RELN: variants seen among roughly 807,000 people sequenced by gnomAD.
RELN encodes the protein reelin.
In RELN, 108 loss-of-function variants were observed where a neutral mutation model predicts 427.6. The ratio of observed to expected loss-of-function variants is 0.25; its 90% confidence interval spans 0.22 to 0.30. The LOEUF (loss-of-function observed/expected upper bound fraction) is 0.30, where lower values mean the gene tolerates loss of function less well. Among genes scored for constraint, RELN ranks in the 10% least tolerant of loss-of-function variants. RELN has a pLI of 1.00. For missense variants in RELN, 3,715 were observed against 4,302.8 expected (o/e 0.86, Z 3.82); for synonymous variants, 1,524 against 1,513.4 (o/e 1.01, Z -0.16).
At chr7:103,809,235 C>T (rs39759) in intron 3 of RELN, among the ~76,000 whole-genome samples, 42,978 of 152,046 alleles carry the variant, frequency 0.28, 6,498 homozygotes, top group Non-Finnish European at 0.33. Flanking sequence ...CTAAAACATA[C>T]TCAGACCAAC....
rs183197979 is a variant in RELN, at chr7:103,577,723, G to A, written c.4146-2018C>T. 1.6e-3 allele frequency among the ~76,000 whole-genome samples: 248 copies of A among 152,320 alleles called. 1 individual carries two copies. Among genetic ancestry groups the A allele is most frequent in the African/African-American group, 5.6e-3 (233 of 41,564 alleles). On this transcript the variant is annotated intron_variant, in intron 28 of 64. Coordinates refer to ENST00000428762, the MANE Select transcript of RELN (RefSeq NM_005045.4). The stretch of plus-strand genomic sequence containing the variant: ...TTTGTCAACTACTCTTAAGGAAAAT[G>A]TTAAGGCCTCTATGCCGCTTCCAAA...
At position 103,542,746 on chromosome 7, in the gene RELN, T is replaced by C. The variant is rs1830200820; in HGVS notation, c.6656A>G (p.Asp2219Gly). 6.2e-7 allele frequency: 1 copy of C among 1,614,136 alleles called. No individual in the cohort carries two copies. The highest frequency in any genetic ancestry group is 8.5e-7 in the Non-Finnish European group (1 of 1,180,010). The change falls in exon 43 of 65, where the codon GAT becomes GGT. Residue 2219 changes from aspartate (D) to glycine (G), a missense_variant. Asp to Gly is a moderately conservative substitution (Grantham distance 94). This residue lies in a region of RELN where 1,310 missense variants were observed against 1,643.0 expected (regional missense o/e 0.80). Transcript: ENST00000428762. ...GLRMLMTRDL[D>G]LSHARFVQFF... is the part of the protein sequence containing the mutation. ...AAATGATTACCTAGCATGTGATAAATCCAGGTCTCGTGTCATCAACATGCG... is the reference window on the plus strand; with the variant it reads ...AAATGATTACCTAGCATGTGATAAACCCAGGTCTCGTGTCATCAACATGCG...
chr7:103,826,239 C>G (rs1339048568), intron 3 of RELN, among the ~76,000 whole-genome samples: 1 of 151,496 alleles, frequency 6.6e-6, no homozygotes, highest in East Asian at 1.9e-4. Flanking sequence ...TCTCCAGAAC[C>G]ATTAGCCAAA....
chr7:103,599,188 T>C (rs1385640597), intron 24 of RELN, among the ~76,000 whole-genome samples: 1 of 152,232 alleles, frequency 6.6e-6, no homozygotes, highest in East Asian at 1.9e-4. Flanking sequence ...TAGAAAGCAA[T>C]TCTATTTACT....
Position 103,515,407 on chromosome 7 carries a change from C to T in RELN, c.7897G>A (p.Glu2633Lys), listed in dbSNP as rs958494439. 3 of 1,613,988 alleles carry T rather than the reference C, an allele frequency of 1.9e-6. No homozygotes were observed. Among genetic ancestry groups the T allele is most frequent in the Admixed American group, 1.7e-5 (1 of 59,992 alleles). The stretch of plus-strand genomic sequence containing the variant: ...CACCAGCGGAAGCGAGTGGCAATCT[C>T]TTTAGCATCAGGAGGGAGAAGGATA... ...VNILLPPDAKEIATRFRWWQP... is the reference protein window; with the variant it reads ...VNILLPPDAKKIATRFRWWQP... The change falls in exon 50 of 65, where the codon GAG becomes AAG. Residue 2633 changes from glutamate to lysine, a missense_variant. Coordinates refer to ENST00000428762, the MANE Select transcript of RELN (RefSeq NM_005045.4).
chr7:103,496,791 A>T, intron 55 of RELN, 23 bp from the exon 56 acceptor site: 1 of 1,612,314 alleles, frequency 6.2e-7, no homozygotes, highest in Non-Finnish European at 8.5e-7. Context: ...ATATACCAAC[A>T]TAGCAATATA....
rs10241988 is a variant in RELN at position 103,483,984 on chromosome 7, A to G, written c.9984-134T>C. Reference sequence around the variant, plus strand: ...AACGTCTGCCTACTGGGTTCAAGCGATTTTCCTGCCTCGGTCTCCCTAGTA... The same window carrying G: ...AACGTCTGCCTACTGGGTTCAAGCGGTTTTCCTGCCTCGGTCTCCCTAGTA... On this transcript the variant is annotated intron_variant, in intron 61 of 64. Transcript: ENST00000428762. 2,435 of 856,630 alleles carry G rather than the reference A, an allele frequency of 2.8e-3. 39 individuals are homozygous for G. In the African/African-American group the frequency reaches 0.037, roughly 13 times the overall value. 53.1% of individuals were successfully genotyped at this position (856,630 alleles called of 1,614,324 possible).
At chr7:103,704,700 C>T (rs1193055317) in intron 8 of RELN, among the ~76,000 whole-genome samples, 2 of 152,068 alleles carry the variant, frequency 1.3e-5, no homozygotes, top group East Asian at 1.9e-4. Flanking sequence ...AAAACTTTCT[C>T]GATGTCACAC....
intron 11 of RELN, among the ~76,000 whole-genome samples, chr7:103,664,411 GA>G (rs1231536859): frequency 1.3e-5 from 2 of 152,130 alleles, no homozygotes; most frequent in African/African-American, 2.4e-5. Context: ...TTTGTCTCTA[GA>G]ATCACAGGTG....
At position 103,565,406 on chromosome 7, in the gene RELN, C is replaced by T. The variant is rs1264426224; in HGVS notation, c.5082G>A (p.Trp1694Ter). ...LQYSLNNGKD[W>*]HLVTEECVPP... ...GAACACACTCTTCGGTGACAAGATG[C>T]CAGTCCTTGCCATTGTTCAGAGAAT... Residue 1694 changes from tryptophan to a stop codon, truncating the protein, a stop_gained, in exon 34 of 65, where the codon TGG (tryptophan) becomes TGA (stop). Transcript: ENST00000428762. LOFTEE classifies it high-confidence loss of function. 1.2e-6 allele frequency: 2 copies of T among 1,614,056 alleles called. No individual in the cohort carries two copies. Among genetic ancestry groups the T allele is most frequent in the Non-Finnish European group, 1.7e-6 (2 of 1,179,994 alleles).
rs574793994 is a variant in RELN at position 103,731,050 on chromosome 7, A to T, written c.657-2843T>A. Among the ~76,000 whole-genome samples, 66 of 152,260 alleles carry T rather than the reference A, an allele frequency of 4.3e-4. No individual in the cohort carries two copies. In the South Asian group the frequency reaches 0.013, roughly 30 times the overall value. ...TGGAAAGGCAGAGAAGTAAACAAAC[A>T]GTTACAATAGAGGGTGTCAATGCAA... On this transcript the variant is annotated intron_variant, in intron 6 of 64. Transcript: ENST00000428762.
chr7:103,834,806 T>A (rs1563040803), intron 2 of RELN, among the ~76,000 whole-genome samples: 1 of 152,192 alleles, frequency 6.6e-6, no homozygotes, highest in South Asian at 2.1e-4. Flanking sequence ...CACCAAATGC[T>A]GCTGAGGATG....
At chr7:103,794,811 CA>C (rs1458826975) in intron 3 of RELN, among the ~76,000 whole-genome samples, 2 of 151,966 alleles carry the variant, frequency 1.3e-5, no homozygotes, top group African/African-American at 2.4e-5. Context: ...CTAGGTATGA[CA>C]ACAAAAAAAT....
At chr7:103,663,187 T>C (rs1003080045) in intron 11 of RELN, among the ~76,000 whole-genome samples, 1 of 152,190 alleles carries the variant, frequency 6.6e-6, no homozygotes, top group Non-Finnish European at 1.5e-5. Flanking sequence ...CTCAGACTGT[T>C]AGATTCTTCC....
intron 6 of RELN, among the ~76,000 whole-genome samples, chr7:103,731,170 G>A (rs535159143): frequency 6.6e-6 from 1 of 152,202 alleles, no homozygotes; most frequent in South Asian, 2.1e-4. Context: ...GCAGAGACTG[G>A]GGAAGTAAGA....
In RELN at chr7:103,653,858, T is replaced by C. The variant is rs2240965; in HGVS notation, c.1554+235A>G. Among the ~76,000 whole-genome samples the C allele has an allele frequency of 0.22, 32,895 of 152,022 alleles. 3,680 individuals are homozygous for C. The highest frequency in any genetic ancestry group is 0.39 in the Middle Eastern group (116 of 294). ...ACTGTCAGAGTATTGGGTTCTGCCT[T>C]ACTGTCTGATGGACTGTAATTCACT... On this transcript the variant is annotated intron_variant, in intron 13 of 64. Coordinates refer to ENST00000428762, the MANE Select transcript of RELN (RefSeq NM_005045.4).
intron 51 of RELN, among the ~76,000 whole-genome samples, chr7:103,510,370 A>T (rs1829365737): frequency 6.6e-6 from 1 of 152,226 alleles, no homozygotes; most frequent in African/African-American, 2.4e-5. Flanking sequence ...CATCATTCTC[A>T]GCAAACTAAC....
At position 103,472,515 on chromosome 7, in the gene RELN, T is replaced by C; in HGVS notation, c.*297A>G. ...ATCTCTTAAATTTTTTGTGCTTAAA[T>C]TTCATTTTTCTGTTAAACTGTTTCT... On this transcript the variant is annotated 3_prime_UTR_variant, in exon 65 of 65. Transcript: ENST00000428762. 1 of 362,970 alleles carries C rather than the reference T, an allele frequency of 2.8e-6. No homozygotes were observed. Among genetic ancestry groups the C allele is most frequent in the Non-Finnish European group, 5.2e-6 (1 of 194,028 alleles). The allele number at this position is 362,970 out of a possible 1,614,324, so 22.5% of individuals were successfully genotyped here. A position where few individuals can be genotyped will look rare whatever the true frequency, so the allele number is the denominator to read the frequency against.
chr7:103,492,344 C>G (rs1562848985), intron 57 of RELN, among the ~76,000 whole-genome samples: 1 of 152,234 alleles, frequency 6.6e-6, no homozygotes, highest in East Asian at 1.9e-4. Context: ...TAGACAGAAA[C>G]TGAAAGTATC....
Sources: allele counts gnomAD v4.1 joint callset (sites outside exome capture counted in the v4.1 genomes callset), GRCh38; gene constraint gnomAD v4.1.1; regional missense constraint gnomAD v4.1.1; transcripts MANE v1.5; gene names NCBI Gene and HGNC (gene_info 2026-07-23, HGNC 2026-07-21).